The following CBL variants were observed in gnomAD, a reference collection of about 807,000 sequenced individuals.
CBL encodes the protein E3 ubiquitin-protein ligase CBL.
Under a neutral mutation model 96.9 loss-of-function variants are expected in CBL, and 45 were observed. That is an observed-to-expected ratio of 0.46 (90% confidence interval 0.37 to 0.60). The LOEUF is 0.60. Among genes scored for constraint, CBL ranks in the 20% least tolerant of loss-of-function variants. The pLI is 0.00. For synonymous variants in CBL, 420 were observed against 426.8 expected (o/e 0.98, Z 0.20); for missense variants, 1,024 against 1,143.5 (o/e 0.90, Z 1.51).
At position 119,217,222 on chromosome 11, in the gene CBL, A is replaced by G. The variant is rs138236018; in HGVS notation, c.195+10610A>G. ...AGCCTCCACCTCCTAGGTTCAAGCA[A>G]TTCTCCTGCTCAGCCTCCCGAGTAG... On this transcript the variant is annotated intron_variant, in intron 1 of 15. Coordinates refer to ENST00000264033, the MANE Select transcript of CBL (RefSeq NM_005188.4). Among the ~76,000 whole-genome samples, 451 of 152,196 alleles carry G rather than the reference A, an allele frequency of 3.0e-3. 2 individuals carry two copies. Among genetic ancestry groups the G allele is most frequent in the East Asian group, 0.013 (68 of 5,172 alleles).
chr11:119,254,713 T>C (rs1343935946), intron 2 of CBL, among the ~76,000 whole-genome samples: 1 of 152,124 alleles, frequency 6.6e-6, no homozygotes, highest in East Asian at 1.9e-4. Flanking sequence ...GCAATTCTCC[T>C]GCCTCAGACT....
Position 119,307,730 on chromosome 11 carries a change from C to T in CBL, c.*7949C>T, listed in dbSNP as rs142183037. On this transcript the variant is annotated 3_prime_UTR_variant, in exon 16 of 16. Coordinates refer to ENST00000264033, the MANE Select transcript of CBL (RefSeq NM_005188.4). ...CCTCCTTATTCAAGATTTTGAAATT[C>T]TTAGCCTGGGAGTGCTGGAGAGAAC... is the stretch of plus-strand genomic sequence containing the variant. The T allele has an allele frequency of 1.8e-5, 4 of 222,486 alleles. No homozygotes were observed. The highest frequency in any genetic ancestry group is 8.9e-5 in the African/African-American group (4 of 44,742). 13.8% of individuals were successfully genotyped at this position (222,486 alleles called of 1,614,324 possible). A position where few individuals can be genotyped will look rare whatever the true frequency, so the allele number is the denominator to read the frequency against.
At chr11:119,236,608 TATATATATATA>T (rs1364374897) in intron 2 of CBL, among the ~76,000 whole-genome samples, 1 of 146,940 alleles carries the variant, frequency 6.8e-6, no homozygotes. Flanking sequence ...TATATATATA[TATATATATATA>T]TATACCCATA....
chr11:119,229,107 T>G (rs1452296890), intron 1 of CBL, among the ~76,000 whole-genome samples: 1 of 152,156 alleles, frequency 6.6e-6, no homozygotes, highest in African/African-American at 2.4e-5. Flanking sequence ...GATCTTAATC[T>G]CTAGTTACAG....
intron 1 of CBL, among the ~76,000 whole-genome samples, chr11:119,217,828 T>A (rs1949375104): frequency 6.6e-6 from 1 of 152,146 alleles, no homozygotes; most frequent in South Asian, 2.1e-4. Flanking sequence ...CCCAGCACTT[T>A]GAGAGGCCGA....
chr11:119,229,921 C>T (rs902566101), intron 1 of CBL, among the ~76,000 whole-genome samples: 1 of 151,476 alleles, frequency 6.6e-6, no homozygotes, highest in Middle Eastern at 3.2e-3. Flanking sequence ...GATCATTAGT[C>T]ATTAAACAGG....
At chr11:119,273,781 T>C (rs1949866558) in intron 3 of CBL, 87 bp from the exon 4 acceptor site, 1 of 1,124,814 alleles carries the variant, frequency 8.9e-7, no homozygotes, top group Non-Finnish European at 1.3e-6. Flanking sequence ...GAGCTTAATG[T>C]GGCTCTCCTT....
chr11:119,299,888 T>G lies in CBL; in HGVS notation c.*107T>G. ...CCTTTGGTGACTTCACAGTGAAGTC[T>G]TGCCCTCTCTGTGGGATATCACATC... On this transcript the variant is annotated 3_prime_UTR_variant, in exon 16 of 16. Transcript: ENST00000264033. 12 of 1,062,110 alleles carry G rather than the reference T, an allele frequency of 1.1e-5. No individual in the cohort carries two copies. The highest frequency in any genetic ancestry group is 1.7e-5 in the Non-Finnish European group (12 of 689,950). 65.8% of individuals were successfully genotyped at this position (1,062,110 alleles called of 1,614,324 possible). A position where few individuals can be genotyped will look rare whatever the true frequency, so the allele number is the denominator to read the frequency against.
chr11:119,240,998 G>A (rs569022753), intron 2 of CBL, among the ~76,000 whole-genome samples: 7 of 152,230 alleles, frequency 4.6e-5, no homozygotes, highest in Admixed American at 2.0e-4. Flanking sequence ...ACTTGAACCT[G>A]GGAGGTGGAG....
At chr11:119,280,919 A>T (rs1203634687) in intron 9 of CBL, among the ~76,000 whole-genome samples, 1 of 152,234 alleles carries the variant, frequency 6.6e-6, no homozygotes, top group Non-Finnish European at 1.5e-5. Flanking sequence ...GTAACATACT[A>T]TACAATAATT....
intron 2 of CBL, among the ~76,000 whole-genome samples, chr11:119,245,077 G>A (rs973513669): frequency 7.9e-5 from 12 of 151,514 alleles, no homozygotes; most frequent in African/African-American, 2.9e-4. Context: ...CCACTTTGTT[G>A]CCCAGGCTGG....
chr11:119,294,896 C>T (rs1950053699), intron 12 of CBL, among the ~76,000 whole-genome samples: 1 of 151,876 alleles, frequency 6.6e-6, no homozygotes, highest in East Asian at 1.9e-4. Flanking sequence ...GATACATGTT[C>T]ATTGCCATTC....
At chr11:119,281,494 CTTTTT>C (rs34775460) in intron 9 of CBL, among the ~76,000 whole-genome samples, 2 of 125,830 alleles carry the variant, frequency 1.6e-5, no homozygotes, top group East Asian at 2.2e-4. Flanking sequence ...CACCAAAAGC[CTTTTT>C]TTTTTTTTTT....
intron 2 of CBL, among the ~76,000 whole-genome samples, chr11:119,253,257 A>G (rs1057177750): frequency 2.0e-5 from 3 of 152,038 alleles, no homozygotes; most frequent in African/African-American, 7.2e-5. Flanking sequence ...AAGTATTCTC[A>G]TAAGATTGTT....
chr11:119,263,762 A>G (rs541692970), intron 2 of CBL, among the ~76,000 whole-genome samples: 3 of 152,300 alleles, frequency 2.0e-5, no homozygotes, highest in Non-Finnish European at 4.4e-5. Flanking sequence ...CGTTGTATCT[A>G]TTTTTAAAGC....
intron 2 of CBL, among the ~76,000 whole-genome samples, chr11:119,260,395 C>T (rs1949745940): frequency 6.6e-6 from 1 of 151,972 alleles, no homozygotes; most frequent in African/African-American, 2.4e-5. Flanking sequence ...AGGCACGTGC[C>T]ATCACGCCTG....
intron 2 of CBL, among the ~76,000 whole-genome samples, chr11:119,240,054 G>T (rs1949572956): frequency 6.6e-6 from 1 of 152,194 alleles, no homozygotes; most frequent in Non-Finnish European, 1.5e-5. Flanking sequence ...CACTTTGGGA[G>T]GCTGAGGTGG....
intron 11 of CBL, among the ~76,000 whole-genome samples, chr11:119,285,830 A>G (rs1385712045): frequency 6.6e-6 from 1 of 152,050 alleles, no homozygotes; most frequent in African/African-American, 2.4e-5. Context: ...CAGGAGGCCA[A>G]GCTTTCAGTG....
intron 12 of CBL, among the ~76,000 whole-genome samples, chr11:119,291,265 G>A (rs149779369): frequency 5.3e-5 from 8 of 152,238 alleles, no homozygotes; most frequent in African/African-American, 4.8e-5. Context: ...GGTGGCACAC[G>A]CCTATAGTCC....
Sources: gnomAD v4.1 joint callset for allele counts (sites outside exome capture counted in the v4.1 genomes callset) on GRCh38, gnomAD v4.1.1 for gene constraint, MANE v1.5 for transcripts, NCBI Gene and HGNC (gene_info 2026-07-23, HGNC 2026-07-21) for gene names.